The following MROH2B variants were observed in gnomAD, a reference collection of about 807,000 sequenced individuals.
The protein encoded by MROH2B is maestro heat-like repeat-containing protein family member 2B.
MROH2B carries 177 observed loss-of-function variants against 208.6 expected under a neutral mutation model. That is an observed-to-expected ratio of 0.85 (90% CI 0.75 to 0.96). MROH2B has a LOEUF of 0.96. MROH2B is among the 40% of genes least tolerant of loss of function. The pLI is 0.00. For missense variants in MROH2B, 2,002 were observed against 1,878.7 expected, an observed-to-expected ratio of 1.07 and a Z score of -1.21; for synonymous variants, 728 against 659.0, an observed-to-expected ratio of 1.10 and a Z score of -1.60.
chr5:41,018,121 T>G (rs186288782), intron 27 of MROH2B, among the ~76,000 whole-genome samples, 151 bp from the exon 28 acceptor site: 4 of 152,330 alleles, frequency 2.6e-5, no homozygotes, highest in Non-Finnish European at 5.9e-5. Flanking sequence ...GATGCCTATT[T>G]TTAAGGGCAG....
At chr5:41,005,425 C>CG in intron 35 of MROH2B, 106 bp downstream of exon 35, 1 of 215,380 alleles carries the variant, frequency 4.6e-6, no homozygotes, top group Non-Finnish European at 9.3e-6. Flanking sequence ...CCCCCCCCCC[C>CG]TTGAAGTCTC....
intron 24 of MROH2B, among the ~76,000 whole-genome samples, chr5:41,029,072 C>T (rs1004389277): frequency 2.0e-5 from 3 of 152,088 alleles, no homozygotes; most frequent in East Asian, 1.9e-4. Flanking sequence ...AATGGATGCA[C>T]CAATTTACGT....
intron 17 of MROH2B, among the ~76,000 whole-genome samples, chr5:41,046,517 A>G (rs1743125401): frequency 6.6e-6 from 1 of 152,090 alleles, no homozygotes. Context: ...TTAAGCTTAG[A>G]AAAGGACACA....
chr5:41,061,451 A>G, intron 6 of MROH2B, 119 bp downstream of exon 6: 1 of 887,256 alleles, frequency 1.1e-6, no homozygotes, highest in Non-Finnish European at 1.6e-6. Context: ...GATAAATCTC[A>G]TAAAATACAA....
intron 32 of MROH2B, among the ~76,000 whole-genome samples, chr5:41,009,053 T>G (rs1741685135): frequency 6.6e-6 from 1 of 152,198 alleles, no homozygotes; most frequent in African/African-American, 2.4e-5. Context: ...TACAGACTTA[T>G]CTAGAAATAT....
chr5:41,052,589 TA>T lies in MROH2B; in HGVS notation c.1108-3del. The T allele has an allele frequency of 6.2e-7, 1 of 1,609,294 alleles. No individual in the cohort carries two copies. Among genetic ancestry groups the T allele is most frequent in the Non-Finnish European group, 8.5e-7 (1 of 1,177,204 alleles). Reference sequence around the variant, plus strand: ...GAGGAGAAGAACAGAATTTCTTACCTAGGGTAAGAACAATGCAATAGCAACA... The same window carrying T: ...GAGGAGAAGAACAGAATTTCTTACCTGGGTAAGAACAATGCAATAGCAACA... On this transcript the variant is annotated splice_polypyrimidine_tract_variant and splice_region_variant and intron_variant, in intron 11 of 41. Transcript: ENST00000399564.
At chr5:41,051,221 A>G (rs1484566041) in intron 12 of MROH2B, 131 bp from the exon 13 acceptor site, 2 of 454,576 alleles carry the variant, frequency 4.4e-6, no homozygotes, top group African/African-American at 4.1e-5. Flanking sequence ...CATGGAACCT[A>G]GATATCTTGG....
chr5:41,057,461 C>T, intron 7 of MROH2B, 101 bp from the exon 8 acceptor site: 1 of 797,202 alleles, frequency 1.3e-6, no homozygotes, highest in East Asian at 2.7e-5. Flanking sequence ...AAACAAGCTT[C>T]TCATCTTCCT....
At chr5:41,008,539 T>G in intron 33 of MROH2B, 67 bp downstream of exon 33, 2 of 1,556,130 alleles carry the variant, frequency 1.3e-6, no homozygotes, top group African/African-American at 2.7e-5. Context: ...CCCTGACTTC[T>G]GCAGCACCAC....
chr5:41,039,159 G>A (rs1742861125), intron 20 of MROH2B, among the ~76,000 whole-genome samples: 1 of 152,170 alleles, frequency 6.6e-6, no homozygotes, highest in African/African-American at 2.4e-5. Flanking sequence ...GGAAAGCAGA[G>A]TATGCATGAG....
At chr5:41,053,742 CT>C (rs1357946511) in intron 11 of MROH2B, among the ~76,000 whole-genome samples, 1 of 152,080 alleles carries the variant, frequency 6.6e-6, no homozygotes, top group Non-Finnish European at 1.5e-5. Context: ...CTTGTTTTGT[CT>C]TTTGTCAGTT....
At chr5:41,021,777 T>C (rs1158009102) in intron 24 of MROH2B, among the ~76,000 whole-genome samples, 1 of 151,984 alleles carries the variant, frequency 6.6e-6, no homozygotes, top group Non-Finnish European at 1.5e-5. Context: ...CTTGGGAAGC[T>C]GAGGAGGGAG....
At position 41,070,854 on chromosome 5, in the gene MROH2B, T is replaced by C. The variant is rs368501955; in HGVS notation, c.-2A>G. 2.5e-6 allele frequency: 4 copies of C among 1,611,034 alleles called. No individual in the cohort carries two copies. Among genetic ancestry groups the C allele is most frequent in the Non-Finnish European group, 2.5e-6 (3 of 1,178,496 alleles). On this transcript the variant is annotated 5_prime_UTR_variant, in exon 1 of 42. Transcript: ENST00000399564. ...GGATTCCTCTGTACTAAGTGTCATGTCTTGGCTGTTTCAGGGTCTCTAAAA... is the reference window on the plus strand; with the variant it reads ...GGATTCCTCTGTACTAAGTGTCATGCCTTGGCTGTTTCAGGGTCTCTAAAA...
In MROH2B at chr5:41,026,083, C is replaced by CG. The variant is rs1554048533; in HGVS notation, c.2441+6658dup. ...TGACAAACGCCCAGCCAATATCATACGAATGAGCAAAAACTGGAAGCATTC... is the reference window on the plus strand; with the variant it reads ...TGACAAACGCCCAGCCAATATCATACGGAATGAGCAAAAACTGGAAGCATTC... On this transcript the variant is annotated intron_variant, in intron 24 of 41. Coordinates refer to ENST00000399564, the MANE Select transcript of MROH2B (RefSeq NM_173489.5). 6.6e-5 allele frequency among the ~76,000 whole-genome samples: 10 copies of CG among 151,996 alleles called. No individual in the cohort carries two copies. The East Asian group carries it at 1.9e-3, about 29-fold the overall frequency.
chr5:41,005,019 C>T (rs952020154), intron 35 of MROH2B, 99 bp from the exon 36 acceptor site: 1 of 1,460,650 alleles, frequency 6.8e-7, no homozygotes, highest in Non-Finnish European at 9.1e-7. Context: ...GAGAGGACCC[C>T]ACTGCTTGTG....
At chr5:41,053,140 T>C (rs1423997475) in intron 11 of MROH2B, among the ~76,000 whole-genome samples, 1 of 152,198 alleles carries the variant, frequency 6.6e-6, no homozygotes, top group African/African-American at 2.4e-5. Context: ...TTTAAAATAC[T>C]CAATGAAAGA....
Position 41,007,441 on chromosome 5 carries a change from T to C in MROH2B, c.3622A>G (p.Thr1208Ala), listed in dbSNP as rs1242944584. Residue 1208 changes from threonine to alanine, a missense_variant, in exon 34 of 42, where the codon ACT (threonine) becomes GCT (alanine). Transcript: ENST00000399564. ...GCTTGGGCTTGCAAACATTTTAAAG[T>C]AGCAGTTGAAAGCCTAAAGGAGACA... ...IPDPCRLSTA[T>A]LKCLQAQAMR... 1 of 1,576,386 alleles carries C rather than the reference T, an allele frequency of 6.3e-7. No homozygotes were observed. The highest frequency in any genetic ancestry group is 1.9e-5 in the Admixed American group (1 of 53,598).
At position 41,009,400 on chromosome 5, in the gene MROH2B, T is replaced by C; in HGVS notation, c.3300A>G (p.Thr1100=). 1 of 1,613,688 alleles carries C rather than the reference T, an allele frequency of 6.2e-7. No individual in the cohort carries two copies. The highest frequency in any genetic ancestry group is 1.7e-4 in the Middle Eastern group (1 of 6,058). ...LQKPLPFDRD[T]KTLWKALAEK... Reference sequence around the variant, plus strand: ...CAGCCAGCGCCTTCCACAATGTCTTTGTGTCCCTAGGGTGGCAAAGCAGGA... The same window carrying C: ...CAGCCAGCGCCTTCCACAATGTCTTCGTGTCCCTAGGGTGGCAAAGCAGGA... The change falls in exon 32 of 42, where the codon ACA becomes ACG. Residue 1100 remains threonine (T), a synonymous_variant. Transcript: ENST00000399564.
chr5:41,044,081 TA>T (rs1743042788), intron 18 of MROH2B, among the ~76,000 whole-genome samples: 2 of 66,372 alleles, frequency 3.0e-5, no homozygotes, highest in South Asian at 4.1e-4. Flanking sequence ...CTACTAAAAA[TA>T]CAAAAAAAAA....
Sources: gnomAD v4.1 joint callset for allele counts (sites outside exome capture counted in the v4.1 genomes callset) on GRCh38, gnomAD v4.1.1 for gene constraint, MANE v1.5 for transcripts, NCBI Gene and HGNC (gene_info 2026-07-23, HGNC 2026-07-21) for gene names.